IL1RAPL2: variants seen among roughly 807,000 people sequenced by gnomAD.
The protein encoded by IL1RAPL2 is X-linked interleukin-1 receptor accessory protein-like 2.
IL1RAPL2 carries 3 observed loss-of-function variants against 44.1 expected under a neutral mutation model. The observed-to-expected ratio is 0.07, with a 90% CI of 0.03 to 0.18. IL1RAPL2 has a LOEUF of 0.18. Ranked by LOEUF, IL1RAPL2 falls within the 10% of genes least tolerant of loss-of-function variation. IL1RAPL2 has a pLI of 1.00. For missense variants in IL1RAPL2, 391 were observed against 496.4 expected (o/e 0.79, Z 2.02); for synonymous variants, 181 against 178.8 (o/e 1.01, Z -0.10).
At chrX:105,218,870 T>C in intron 3 of IL1RAPL2, 67 of 426,393 alleles carry the variant, frequency 1.6e-4, no homozygotes, top group Non-Finnish European at 2.0e-4. Flanking sequence ...CTTCTTCCCC[T>C]ACCACCCCGG....
chrX:104,723,628 A>G (rs774375436), intron 2 of IL1RAPL2, among the ~76,000 whole-genome samples: 1 of 110,966 alleles, frequency 9.0e-6, no homozygotes, highest in East Asian at 2.9e-4. Context: ...GAACAACAAC[A>G]AAAAAATCCT....
chrX:105,372,485 C>G (rs1171530114), intron 5 of IL1RAPL2, among the ~76,000 whole-genome samples: 1 of 108,619 alleles, frequency 9.2e-6, no homozygotes, highest in African/African-American at 3.4e-5. Flanking sequence ...GTTCCTAAAA[C>G]TTTTTAATGT....
chrX:105,100,926 A>T (rs1053615344), intron 2 of IL1RAPL2, among the ~76,000 whole-genome samples: 14 of 112,736 alleles, frequency 1.2e-4, no homozygotes, highest in Admixed American at 2.8e-4. Flanking sequence ...CTGAATGCCA[A>T]TTCCACTTTC....
At chrX:105,004,110 T>G (rs1053423802) in intron 2 of IL1RAPL2, among the ~76,000 whole-genome samples, 2 of 110,609 alleles carry the variant, frequency 1.8e-5, no homozygotes, top group Admixed American at 1.9e-4. Context: ...TTCCAGATCA[T>G]CTATCCACCA....
At chrX:105,333,244 T>C (rs2035001505) in intron 5 of IL1RAPL2, among the ~76,000 whole-genome samples, 1 of 111,424 alleles carries the variant, frequency 9.0e-6, no homozygotes, top group Non-Finnish European at 1.9e-5. Context: ...TCAACAAAAC[T>C]GTCAAGAACA....
intron 1 of IL1RAPL2, among the ~76,000 whole-genome samples, chrX:104,582,958 G>C (rs971596717): frequency 2.9e-5 from 3 of 104,389 alleles, no homozygotes; most frequent in Non-Finnish European, 5.8e-5. Context: ...GTGTGATATC[G>C]GCTCACTGCA....
chrX:104,734,017 G>T (rs1282948655), intron 2 of IL1RAPL2, among the ~76,000 whole-genome samples: 1 of 111,749 alleles, frequency 8.9e-6, no homozygotes, highest in Non-Finnish European at 1.9e-5. Flanking sequence ...CTTATAGTTG[G>T]CAAATAAATA....
intron 7 of IL1RAPL2, among the ~76,000 whole-genome samples, chrX:105,726,156 A>AAAT (rs566154849): frequency 2.7e-5 from 3 of 111,840 alleles, no homozygotes; most frequent in South Asian, 3.6e-4. Flanking sequence ...TATAATTAGT[A>AAAT]AATAATAATA....
At chrX:105,672,498 C>T (rs1338783619) in intron 6 of IL1RAPL2, among the ~76,000 whole-genome samples, 1 of 112,327 alleles carries the variant, frequency 8.9e-6, no homozygotes, top group Non-Finnish European at 1.9e-5. Flanking sequence ...TGAAAGGCCT[C>T]CTCCGACAGA....
chrX:104,902,734 G>A (rs1368618800), intron 2 of IL1RAPL2, among the ~76,000 whole-genome samples: 4 of 111,676 alleles, frequency 3.6e-5, no homozygotes, highest in Non-Finnish European at 3.8e-5. Flanking sequence ...ATAGGTAACA[G>A]TTCCCAGCTT....
intron 2 of IL1RAPL2, among the ~76,000 whole-genome samples, chrX:104,731,279 A>G (rs1296236041): frequency 9.1e-6 from 1 of 110,249 alleles, no homozygotes; most frequent in Non-Finnish European, 1.9e-5. Context: ...TGTTTTAGAC[A>G]TGAAGTCCTT....
intron 2 of IL1RAPL2, among the ~76,000 whole-genome samples, chrX:104,978,156 G>T (rs1223113692): frequency 1.8e-5 from 2 of 111,921 alleles, no homozygotes; most frequent in Non-Finnish European, 3.8e-5. Context: ...TTTCTACAAT[G>T]TTTAAGGACA....
At chrX:105,028,305 G>A (rs1293562431) in intron 2 of IL1RAPL2, among the ~76,000 whole-genome samples, 1 of 110,693 alleles carries the variant, frequency 9.0e-6, no homozygotes, top group African/African-American at 3.3e-5. Flanking sequence ...TAACTTAATT[G>A]TACATATAAA....
chrX:105,344,567 A>C (rs1277946074), intron 5 of IL1RAPL2, among the ~76,000 whole-genome samples: 2 of 112,060 alleles, frequency 1.8e-5, no homozygotes, highest in Non-Finnish European at 3.8e-5. Context: ...CCTATCCCTC[A>C]TACAGATCAT....
chrX:105,193,589 G>T (rs2147611384), intron 2 of IL1RAPL2, among the ~76,000 whole-genome samples: 1 of 112,046 alleles, frequency 8.9e-6, no homozygotes, highest in Admixed American at 9.5e-5. Context: ...GATCCAGAAA[G>T]TTCAGCAAAT....
intron 5 of IL1RAPL2, among the ~76,000 whole-genome samples, chrX:105,407,358 T>C (rs1336223404): frequency 9.0e-6 from 1 of 111,004 alleles, no homozygotes; most frequent in African/African-American, 3.3e-5. Context: ...ATATTTGCTT[T>C]TAAATAGGAA....
chrX:105,489,787 T>TCTCTCTCTC (rs2036299898), intron 6 of IL1RAPL2, among the ~76,000 whole-genome samples: 6 of 73,369 alleles, frequency 8.2e-5, no homozygotes, highest in East Asian at 4.4e-4. Context: ...CTTTCTCTCT[T>TCTCTCTCTC]TCTCTCTCTC....
rs1374344326 is a variant in IL1RAPL2, at chrX:105,042,221, A to C, written c.83-153254A>C. Reference sequence around the variant, plus strand: ...GCAATGGCAACAAAAGCCAAAATTGACAAATGGGATCTAATTAAACTAAAG... The same window carrying C: ...GCAATGGCAACAAAAGCCAAAATTGCCAAATGGGATCTAATTAAACTAAAG... On this transcript the variant is annotated intron_variant, in intron 2 of 10. Transcript: ENST00000372582. Among the ~76,000 whole-genome samples, 3 of 109,449 alleles carry C rather than the reference A, an allele frequency of 2.7e-5. No homozygotes were observed. The South Asian group carries it at 1.2e-3, about 44-fold the overall frequency.
At chrX:105,697,870 T>C (rs1290560651) in intron 6 of IL1RAPL2, among the ~76,000 whole-genome samples, 1 of 111,922 alleles carries the variant, frequency 8.9e-6, no homozygotes, top group East Asian at 2.8e-4. Flanking sequence ...TCTTCAAAAT[T>C]GCATAGTAAA....
Sources: allele counts gnomAD v4.1 joint callset (sites outside exome capture counted in the v4.1 genomes callset), GRCh38; gene constraint gnomAD v4.1.1; transcripts MANE v1.5; gene names NCBI Gene and HGNC (gene_info 2026-07-23, HGNC 2026-07-21).